Variants in FHIT observed in about 807,000 individuals in gnomAD.
FHIT encodes fragile histidine triad diadenosine triphosphatase.
Under a neutral mutation model 17.9 loss-of-function variants are expected in FHIT, and 19 were observed. The observed-to-expected ratio is 1.06, with a 90% confidence interval of 0.74 to 1.56. FHIT has a LOEUF of 1.56. Among genes scored for constraint, FHIT ranks in the 40% most tolerant of loss-of-function variants. The probability of loss-of-function intolerance (pLI) is 0.00; values close to 1 mark genes in which losing one functional copy is unlikely to be tolerated. For missense variants in FHIT, 248 were observed against 189.2 expected (o/e 1.31, Z -1.82); for synonymous variants, 81 against 69.7 (o/e 1.16, Z -0.81).
At chr3:60,817,532 T>C (rs1701783029) in intron 4 of FHIT, among the ~76,000 whole-genome samples, 1 of 152,016 alleles carries the variant, frequency 6.6e-6, no homozygotes, top group Non-Finnish European at 1.5e-5. Flanking sequence ...CTTTTTTTTT[T>C]ACCCCTCGTT....
intron 5 of FHIT, among the ~76,000 whole-genome samples, chr3:60,442,883 T>C (rs1008061654): frequency 6.6e-6 from 1 of 152,206 alleles, no homozygotes; most frequent in African/African-American, 2.4e-5. Context: ...ATTTTCATGA[T>C]ATTGATTCTT....
chr3:60,958,459 TGTA>T (rs1709270740), intron 3 of FHIT, among the ~76,000 whole-genome samples: 3 of 152,212 alleles, frequency 2.0e-5, no homozygotes, highest in Admixed American at 2.0e-4. Context: ...ATAAAATAGA[TGTA>T]GTATTATTTA....
chr3:61,206,432 G>C (rs2039233850), intron 1 of FHIT, among the ~76,000 whole-genome samples: 1 of 151,432 alleles, frequency 6.6e-6, no homozygotes, highest in Non-Finnish European at 1.5e-5. Flanking sequence ...TGACAATATT[G>C]ATTCTTCCTA....
chr3:60,351,332 C>G (rs147529142), intron 5 of FHIT, among the ~76,000 whole-genome samples: 1 of 152,126 alleles, frequency 6.6e-6, no homozygotes, highest in Non-Finnish European at 1.5e-5. Context: ...TACACTCAGA[C>G]GCAAGCCACC....
intron 5 of FHIT, among the ~76,000 whole-genome samples, chr3:60,107,564 G>A (rs1037988369): frequency 2.0e-5 from 3 of 152,152 alleles, no homozygotes; most frequent in Admixed American, 1.3e-4. Context: ...ACTGGTTATA[G>A]CTCTATAATT....
intron 5 of FHIT, among the ~76,000 whole-genome samples, chr3:60,370,205 G>A (rs1296934146): frequency 1.8e-5 from 1 of 55,052 alleles, no homozygotes; most frequent in African/African-American, 7.7e-5. Flanking sequence ...CAATATTTTT[G>A]GCCAAGATTC....
At chr3:60,835,238 T>C (rs1702494089) in intron 3 of FHIT, among the ~76,000 whole-genome samples, 1 of 89,286 alleles carries the variant, frequency 1.1e-5, no homozygotes, top group Non-Finnish European at 2.2e-5. Context: ...AATTTTAGAA[T>C]AATGTCATCT....
At chr3:60,077,307 G>A (rs1703055772) in intron 5 of FHIT, 1 of 151,918 alleles carries the variant, frequency 6.6e-6, no homozygotes, top group African/African-American at 2.4e-5. Flanking sequence ...ACACACGCAT[G>A]TATTGCCTAC....
chr3:60,287,400 C>T (rs1707776061), intron 5 of FHIT, among the ~76,000 whole-genome samples: 1 of 152,070 alleles, frequency 6.6e-6, no homozygotes, highest in Non-Finnish European at 1.5e-5. Context: ...AACTCCTGGC[C>T]TCAGGTGACC....
chr3:60,709,485 G>A (rs149575828), intron 4 of FHIT, among the ~76,000 whole-genome samples: 13 of 152,190 alleles, frequency 8.5e-5, no homozygotes, highest in East Asian at 3.9e-4. Flanking sequence ...AGTAGAACCC[G>A]AAACCACATC....
chr3:60,912,158 C>G (rs545652653), intron 3 of FHIT, among the ~76,000 whole-genome samples: 29 of 152,148 alleles, frequency 1.9e-4, no homozygotes, highest in African/African-American at 6.7e-4. Flanking sequence ...ACTACTACTA[C>G]TAGAATAAGA....
intron 5 of FHIT, among the ~76,000 whole-genome samples, chr3:60,031,959 A>T (rs12638206): frequency 0.19 from 28,257 of 152,176 alleles, 3,184 homozygotes; most frequent in South Asian, 0.35. Flanking sequence ...ACAGGTATTT[A>T]AAAAATATGT....
At chr3:60,056,686 A>G (rs2106906795) in intron 5 of FHIT, among the ~76,000 whole-genome samples, 1 of 152,380 alleles carries the variant, frequency 6.6e-6, no homozygotes, top group South Asian at 2.1e-4. Context: ...AAGCAGAAGC[A>G]TTTCTCAAAA....
intron 4 of FHIT, among the ~76,000 whole-genome samples, chr3:60,595,463 C>A: frequency 6.7e-6 from 1 of 148,400 alleles, no homozygotes; most frequent in African/African-American, 2.5e-5. Flanking sequence ...CATTTCTGTC[C>A]TAAATATATA....
At chr3:60,024,279 T>C (rs1256968534) in intron 5 of FHIT, among the ~76,000 whole-genome samples, 1 of 152,162 alleles carries the variant, frequency 6.6e-6, no homozygotes, top group Non-Finnish European at 1.5e-5. Context: ...TAACACTAAT[T>C]TGGCATTCTC....
At chr3:60,342,734 G>A (rs932418072) in intron 5 of FHIT, among the ~76,000 whole-genome samples, 3 of 152,096 alleles carry the variant, frequency 2.0e-5, no homozygotes, top group African/African-American at 7.2e-5. Flanking sequence ...CTCAATGGAA[G>A]GAAAAATATT....
chr3:60,441,814 A>G (rs1378313743), intron 5 of FHIT, among the ~76,000 whole-genome samples: 1 of 124,192 alleles, frequency 8.1e-6, no homozygotes, highest in African/African-American at 2.9e-5. Context: ...ATATATATAT[A>G]TCAGGTCATT....
At chr3:60,812,266 G>A (rs1701593535) in intron 4 of FHIT, among the ~76,000 whole-genome samples, 1 of 150,914 alleles carries the variant, frequency 6.6e-6, no homozygotes, top group African/African-American at 2.4e-5. Flanking sequence ...GGAGTCCAGT[G>A]ATTCTTTTGC....
intron 5 of FHIT, among the ~76,000 whole-genome samples, chr3:60,179,235 G>T (rs1487383871): frequency 6.6e-6 from 1 of 152,160 alleles, no homozygotes; most frequent in Non-Finnish European, 1.5e-5. Context: ...ATGCAGAAGA[G>T]AAAACCAAAG....
Sources: gnomAD v4.1 joint callset for allele counts (sites outside exome capture counted in the v4.1 genomes callset) on GRCh38, gnomAD v4.1.1 for gene constraint, MANE v1.5 for transcripts, NCBI Gene and HGNC (gene_info 2026-07-23, HGNC 2026-07-21) for gene names.